GNAT3: variants seen among roughly 807,000 people sequenced by gnomAD.
GNAT3 encodes the protein G protein subunit alpha transducin 3.
A neutral mutation model predicts 37.7 loss-of-function variants in GNAT3; 31 were observed. That is an observed-to-expected ratio of 0.82 (90% CI 0.62 to 1.11). GNAT3 has a LOEUF of 1.11. Among genes scored for constraint, GNAT3 ranks in the 50% most tolerant of loss-of-function variants. The pLI is 0.00. For missense variants in GNAT3, 437 were observed against 412.5 expected (o/e 1.06, Z -0.51); for synonymous variants, 138 against 139.8 (o/e 0.99, Z 0.09).
chr7:80,475,221 T>TC (rs1450507676), intron 4 of GNAT3, among the ~76,000 whole-genome samples: 1 of 151,986 alleles, frequency 6.6e-6, no homozygotes, highest in Non-Finnish European at 1.5e-5. Flanking sequence ...GGTGTTTTTT[T>TC]CCCCTCACAG....
At chr7:80,498,333 T>A (rs575631981) in intron 1 of GNAT3, among the ~76,000 whole-genome samples, 39 of 152,252 alleles carry the variant, frequency 2.6e-4, no homozygotes, top group Admixed American at 2.2e-3. Context: ...ATCACTTTTT[T>A]AAAAATGGCA....
At chr7:80,468,470 TA>T (rs1215823494) in intron 5 of GNAT3, among the ~76,000 whole-genome samples, 2 of 152,096 alleles carry the variant, frequency 1.3e-5, no homozygotes, top group African/African-American at 4.8e-5. Flanking sequence ...TATGATTACA[TA>T]AAAATAAAAC....
chr7:80,509,840 AT>A lies in GNAT3; in HGVS notation c.118+1968del, dbSNP rs200506315. Among the ~76,000 whole-genome samples, 1,128 of 152,118 alleles carry A rather than the reference AT, an allele frequency of 7.4e-3. 19 individuals are homozygous for A. Among genetic ancestry groups the A allele is most frequent in the African/African-American group, 0.026 (1,073 of 41,492 alleles). On this transcript the variant is annotated intron_variant, in intron 1 of 7. Transcript: ENST00000398291. ...TACTCTTTTTGAACATTTTTAATTT[AT>A]TTTTTTAAATTGACAAATAACATTC... is the stretch of plus-strand genomic sequence containing the variant.
intron 3 of GNAT3, among the ~76,000 whole-genome samples, chr7:80,483,938 T>A (rs1375287702): frequency 2.6e-5 from 4 of 152,144 alleles, no homozygotes; most frequent in Non-Finnish European, 5.9e-5. Context: ...GCTCATTCTC[T>A]CTCTCTCTCT....
chr7:80,461,115 T>C (rs1790042111), intron 7 of GNAT3, among the ~76,000 whole-genome samples: 1 of 151,648 alleles, frequency 6.6e-6, no homozygotes, highest in Non-Finnish European at 1.5e-5. Context: ...TAAATATTTA[T>C]AATTATAGAA....
chr7:80,494,434 C>T (rs1214324992), intron 2 of GNAT3, among the ~76,000 whole-genome samples, 171 bp downstream of exon 2: 1 of 152,186 alleles, frequency 6.6e-6, no homozygotes, highest in African/African-American at 2.4e-5. Flanking sequence ...TCATCTGCTA[C>T]ACTTTCTGCT....
At chr7:80,463,291 A>G (rs1790081857) in intron 5 of GNAT3, among the ~76,000 whole-genome samples, 1 of 152,040 alleles carries the variant, frequency 6.6e-6, no homozygotes, top group Non-Finnish European at 1.5e-5. Flanking sequence ...GTGTTTGAAA[A>G]CTCAGCCTTT....
chr7:80,493,941 T>A (rs1790663749), intron 2 of GNAT3, among the ~76,000 whole-genome samples: 2 of 151,472 alleles, frequency 1.3e-5, no homozygotes, highest in African/African-American at 4.9e-5. Flanking sequence ...CTCTTCCTGC[T>A]GTTGTTGCTG....
chr7:80,476,634 AG>A (rs955104470), intron 4 of GNAT3, among the ~76,000 whole-genome samples: 6 of 151,794 alleles, frequency 4.0e-5, no homozygotes, highest in Non-Finnish European at 5.9e-5. Flanking sequence ...GAAAACAAGA[AG>A]TATCTTACTT....
Position 80,476,595 on chromosome 7 carries a change from G to C in GNAT3, c.462-2216C>G, listed in dbSNP as rs1012683300. ...TCTGATTATATTCACTTTTTTGTTA[G>C]CCTTAACTTGAAGGATCTCTAGATT... On this transcript the variant is annotated intron_variant, in intron 4 of 7. Coordinates refer to ENST00000398291, the MANE Select transcript of GNAT3 (RefSeq NM_001102386.3). 7.4e-4 allele frequency among the ~76,000 whole-genome samples: 112 copies of C among 151,372 alleles called. 2 individuals are homozygous for C. The highest frequency in any genetic ancestry group is 1.2e-4 in the Non-Finnish European group (8 of 67,784).
At chr7:80,486,591 C>T (rs773381601) in intron 3 of GNAT3, 2 of 143,544 alleles carry the variant, frequency 1.4e-5, no homozygotes, top group Non-Finnish European at 3.0e-5. Context: ...ACTACAGGTA[C>T]ACACCACCAT....
chr7:80,491,683 T>C (rs996559938), intron 2 of GNAT3, among the ~76,000 whole-genome samples: 4 of 152,150 alleles, frequency 2.6e-5, no homozygotes, highest in Non-Finnish European at 5.9e-5. Flanking sequence ...AGACTTCAAA[T>C]AAAATGGCTA....
At chr7:80,485,573 C>T (rs1159289705) in intron 3 of GNAT3, among the ~76,000 whole-genome samples, 1 of 152,126 alleles carries the variant, frequency 6.6e-6, no homozygotes, top group Non-Finnish European at 1.5e-5. Context: ...GCTCTCCTCT[C>T]CTGATGACAA....
chr7:80,473,106 A>G, intron 5 of GNAT3, among the ~76,000 whole-genome samples: 1 of 152,196 alleles, frequency 6.6e-6, no homozygotes, highest in South Asian at 2.1e-4. Context: ...GTTGCCAAAA[A>G]GAACTATACA....
chr7:80,497,647 T>TACGTATATACATATACGTATATACATAC (rs1562733021), intron 1 of GNAT3, among the ~76,000 whole-genome samples: 1 of 110,612 alleles, frequency 9.0e-6, no homozygotes, highest in Admixed American at 8.2e-5. Flanking sequence ...TATATACATA[T>TACGTATATACATATACGTATATACATAC]ACGTATATAC....
At chr7:80,488,502 A>C in intron 3 of GNAT3, 33 bp downstream of exon 3, 1 of 1,567,208 alleles carries the variant, frequency 6.4e-7, no homozygotes, top group South Asian at 1.2e-5. Context: ...ACTCTATTGC[A>C]GGACATACAG....
At chr7:80,496,320 AG>A (rs1289803615) in intron 1 of GNAT3, among the ~76,000 whole-genome samples, 9 of 152,090 alleles carry the variant, frequency 5.9e-5, no homozygotes, top group Non-Finnish European at 5.9e-5. Context: ...TAGTAGAGAC[AG>A]GGTTTCACCA....
At chr7:80,497,601 CATATACGTAT>C (rs1790749870) in intron 1 of GNAT3, among the ~76,000 whole-genome samples, 1 of 115,632 alleles carries the variant, frequency 8.6e-6, no homozygotes, top group Non-Finnish European at 1.7e-5. Flanking sequence ...TACGTATATA[CATATACGTAT>C]ATACATATAC....
chr7:80,470,383 C>T (rs930471044), intron 5 of GNAT3, among the ~76,000 whole-genome samples: 6 of 151,982 alleles, frequency 3.9e-5, no homozygotes, highest in African/African-American at 9.7e-5. Context: ...CACCATGCCC[C>T]GCTAATTTTT....
Sources: allele counts gnomAD v4.1 joint callset (sites outside exome capture counted in the v4.1 genomes callset), GRCh38; gene constraint gnomAD v4.1.1; transcripts MANE v1.5; gene names NCBI Gene and HGNC (gene_info 2026-07-23, HGNC 2026-07-21).